Variants in GRM5 observed in about 807,000 individuals in gnomAD.
GRM5 encodes the protein metabotropic glutamate receptor 5.
In GRM5, 19 loss-of-function variants were observed where a neutral mutation model predicts 83.1. That is an observed-to-expected ratio of 0.23 (90% confidence interval 0.16 to 0.34). GRM5 has a LOEUF of 0.34. Among genes scored for constraint, GRM5 ranks in the 10% least tolerant of loss-of-function variants. The pLI is 1.00. For missense variants in GRM5, 1,160 were observed against 1,588.3 expected, an observed-to-expected ratio of 0.73 and a Z score of 4.58; for synonymous variants, 675 against 633.6, an observed-to-expected ratio of 1.07 and a Z score of -0.98.
In GRM5 at chr11:88,507,613, C is replaced by T. The variant is rs1941212501; in HGVS notation, c.*979G>A. On this transcript the variant is annotated 3_prime_UTR_variant, in exon 10 of 10. Coordinates refer to ENST00000305447, the MANE Select transcript of GRM5 (RefSeq NM_001143831.3). ...TCAAAATAAAGGAATGAAGAAGCCCCAATGCATATTTTAATATTTTAGTTG... is the reference window on the plus strand; with the variant it reads ...TCAAAATAAAGGAATGAAGAAGCCCTAATGCATATTTTAATATTTTAGTTG... The T allele has an allele frequency of 6.6e-6, 1 of 152,174 alleles. No homozygotes were observed. The highest frequency in any genetic ancestry group is 2.1e-4 in the South Asian group (1 of 4,828). 9.4% of individuals were successfully genotyped at this position (152,174 alleles called of 1,614,324 possible).
intron 3 of GRM5, among the ~76,000 whole-genome samples, chr11:88,840,736 G>A (rs1285327527): frequency 6.6e-6 from 1 of 152,162 alleles, no homozygotes; most frequent in Non-Finnish European, 1.5e-5. Flanking sequence ...TGTGTGTAAT[G>A]AGCCTTTATG....
In GRM5 at chr11:88,509,127, G is replaced by A. The variant is rs1204381061; in HGVS notation, c.3104C>T (p.Thr1035Met). Residue 1035 changes from threonine (T) to methionine (M), a missense_variant, in exon 10 of 10, where the codon ACG becomes ATG. Around this residue, in one of 9 missense-constraint regions of GRM5, gnomAD observed 562 missense variants for 532.4 expected, o/e 1.06. Coordinates refer to ENST00000305447, the MANE Select transcript of GRM5 (RefSeq NM_001143831.3). ...LSHRAGSASR[T>M]DDDVPSLHSE... The stretch of plus-strand genomic sequence containing the variant: ...GTGCAGCGACGGCACATCGTCGTCC[G>A]TGCGGCTGGCCGAGCCCGCGCGGTG... 6.5e-7 allele frequency: 1 copy of A among 1,543,448 alleles called. No homozygotes were observed. The highest frequency in any genetic ancestry group is 8.7e-7 in the Non-Finnish European group (1 of 1,145,048).
chr11:88,516,073 C>T (rs1316308861), intron 9 of GRM5, among the ~76,000 whole-genome samples: 4 of 152,182 alleles, frequency 2.6e-5, no homozygotes, highest in African/African-American at 9.6e-5. Flanking sequence ...CTGCACTAAA[C>T]CTAGAGCATT....
At chr11:88,736,598 A>G (rs1342530660) in intron 3 of GRM5, among the ~76,000 whole-genome samples, 1 of 152,014 alleles carries the variant, frequency 6.6e-6, no homozygotes, top group Non-Finnish European at 1.5e-5. Flanking sequence ...TGTTACAAAT[A>G]TGTGAGTGTG....
At chr11:88,553,356 T>C (rs979219089) in intron 8 of GRM5, among the ~76,000 whole-genome samples, 1 of 152,160 alleles carries the variant, frequency 6.6e-6, no homozygotes, top group African/African-American at 2.4e-5. Flanking sequence ...ATCCAGTGGC[T>C]AGATAGTTCC....
intron 3 of GRM5, among the ~76,000 whole-genome samples, chr11:88,784,189 G>T (rs1395163704): frequency 3.3e-5 from 5 of 152,188 alleles, no homozygotes; most frequent in Non-Finnish European, 7.4e-5. Flanking sequence ...CATGTATCTT[G>T]TTTGTGTTAG....
chr11:88,805,947 C>G (rs1443177527), intron 3 of GRM5, among the ~76,000 whole-genome samples: 3 of 152,142 alleles, frequency 2.0e-5, no homozygotes, highest in African/African-American at 4.8e-5. Context: ...AGCTTTGATA[C>G]TCTGCCCCAG....
chr11:88,937,095 A>G (rs1937925278), intron 2 of GRM5, among the ~76,000 whole-genome samples: 1 of 151,660 alleles, frequency 6.6e-6, no homozygotes, highest in Admixed American at 6.6e-5. Flanking sequence ...CTACAACTCA[A>G]AGTGATCTAT....
At position 88,541,709 on chromosome 11, in the gene GRM5, G is replaced by T. The variant is rs1050025980; in HGVS notation, c.2631-16305C>A. 5.4e-5 allele frequency among the ~76,000 whole-genome samples: 8 copies of T among 148,438 alleles called. No individual in the cohort carries two copies. The East Asian group carries it at 6.2e-4, about 11-fold the overall frequency. On this transcript the variant is annotated intron_variant, in intron 8 of 9. Transcript: ENST00000305447. ...CAAATTTTCTTTTCGCATAATGGAA[G>T]AAATACCATGTAATTTACAGGATTG...
chr11:88,830,484 C>T (rs1943969654), intron 3 of GRM5, among the ~76,000 whole-genome samples: 2 of 152,074 alleles, frequency 1.3e-5, no homozygotes. Context: ...TGCTGAAATT[C>T]AACAGAGAAG....
chr11:88,928,082 T>C (rs1182424747), intron 2 of GRM5, among the ~76,000 whole-genome samples: 1 of 152,072 alleles, frequency 6.6e-6, no homozygotes, highest in African/African-American at 2.4e-5. Flanking sequence ...GTGAACCCTC[T>C]TAGGATTATG....
chr11:88,760,800 A>T (rs77428073), intron 3 of GRM5, among the ~76,000 whole-genome samples: 1 of 152,150 alleles, frequency 6.6e-6, no homozygotes, highest in Non-Finnish European at 1.5e-5. Context: ...TTGATGCAAA[A>T]ATCCTCAACA....
intron 3 of GRM5, among the ~76,000 whole-genome samples, chr11:88,721,052 C>T (rs1038950241): frequency 6.6e-6 from 1 of 152,002 alleles, no homozygotes; most frequent in African/African-American, 2.4e-5. Flanking sequence ...ATTTTAAGTA[C>T]ATTCTTTAAC....
rs569950159 is a variant in GRM5, at chr11:88,792,860, A to G, written c.911+57046T>C. On this transcript the variant is annotated intron_variant, in intron 3 of 9. Coordinates refer to ENST00000305447, the MANE Select transcript of GRM5 (RefSeq NM_001143831.3). ...CTTAGAATATGTGCAAGTATTATTG[A>G]AAAATATTTAAAAATTACAAAGTTT... 2.0e-5 allele frequency among the ~76,000 whole-genome samples: 3 copies of G among 152,298 alleles called. No homozygotes were observed. In the East Asian group the frequency reaches 5.8e-4, roughly 29 times the overall value.
chr11:88,879,897 A>T (rs1944923266), intron 2 of GRM5, among the ~76,000 whole-genome samples: 1 of 152,016 alleles, frequency 6.6e-6, no homozygotes, highest in African/African-American at 2.4e-5. Flanking sequence ...TTCCATTAGG[A>T]TGGAAGGTGG....
intron 3 of GRM5, among the ~76,000 whole-genome samples, chr11:88,801,668 G>T (rs6483465): frequency 0.4 from 61,027 of 151,492 alleles, 13,895 homozygotes; most frequent in African/African-American, 0.6. Flanking sequence ...GGAGGCATAG[G>T]TGAGAGTGAG....
intron 2 of GRM5, among the ~76,000 whole-genome samples, chr11:88,975,252 G>A (rs746568819): frequency 3.3e-5 from 5 of 152,180 alleles, no homozygotes; most frequent in Non-Finnish European, 7.3e-5. Flanking sequence ...AAACCGTGAT[G>A]GCAGCCAATT....
At chr11:88,765,280 T>A (rs1437507142) in intron 3 of GRM5, among the ~76,000 whole-genome samples, 1 of 151,128 alleles carries the variant, frequency 6.6e-6, no homozygotes, top group East Asian at 1.9e-4. Context: ...CTGGGTCTGA[T>A]AGCTTCATGA....
At position 88,505,555 on chromosome 11, in the gene GRM5, C is replaced by A. The variant is rs1273795953; in HGVS notation, c.*3037G>T. ...GTCAAATCTCTTATAATTTTTCTTT[C>A]CATACTCCCTTTCTGTTCCCCATCC... On this transcript the variant is annotated 3_prime_UTR_variant, in exon 10 of 10. Coordinates refer to ENST00000305447, the MANE Select transcript of GRM5 (RefSeq NM_001143831.3). The A allele has an allele frequency of 6.6e-6, 1 of 152,172 alleles. No homozygotes were observed. Among genetic ancestry groups the A allele is most frequent in the African/African-American group, 2.4e-5 (1 of 41,450 alleles). 9.4% of individuals were successfully genotyped at this position (152,172 alleles called of 1,614,324 possible). A position where few individuals can be genotyped will look rare whatever the true frequency, so the allele number is the denominator to read the frequency against.
Sources: allele counts gnomAD v4.1 joint callset (sites outside exome capture counted in the v4.1 genomes callset), GRCh38; gene constraint gnomAD v4.1.1; regional missense constraint gnomAD v4.1.1; transcripts MANE v1.5; gene names NCBI Gene and HGNC (gene_info 2026-07-23, HGNC 2026-07-21).